The following KCNK9 variants were observed in gnomAD, a reference collection of about 807,000 sequenced individuals.
KCNK9 encodes the protein potassium channel subfamily K member 9.
A neutral mutation model predicts 10.8 loss-of-function variants in KCNK9; 1 was observed. That is an observed-to-expected ratio of 0.09 (90% confidence interval 0.03 to 0.44). The LOEUF is 0.44. KCNK9 is among the 20% of genes least tolerant of loss of function. The pLI is 0.97. For missense variants in KCNK9, 303 were observed against 515.0 expected (o/e 0.59, Z 3.98); for synonymous variants, 231 against 222.7 (o/e 1.04, Z -0.33).
At chr8:139,646,567 G>A (rs1037811117) in intron 1 of KCNK9, among the ~76,000 whole-genome samples, 2 of 152,212 alleles carry the variant, frequency 1.3e-5, no homozygotes, top group African/African-American at 2.4e-5. Flanking sequence ...CTTACACAGT[G>A]CAGTGAGGTA....
At chr8:139,692,642 A>G (rs982651384) in intron 1 of KCNK9, among the ~76,000 whole-genome samples, 1 of 152,164 alleles carries the variant, frequency 6.6e-6, no homozygotes, top group Non-Finnish European at 1.5e-5. Context: ...CCGCACAGGG[A>G]GAGCCTCTCA....
chr8:139,629,891 T>C (rs1315504778), intron 1 of KCNK9, among the ~76,000 whole-genome samples: 2 of 152,168 alleles, frequency 1.3e-5, no homozygotes, highest in South Asian at 2.1e-4. Flanking sequence ...TACGGTCACA[T>C]TGGAAGTTAG....
At chr8:139,643,888 T>G (rs760765956) in intron 1 of KCNK9, among the ~76,000 whole-genome samples, 1 of 152,172 alleles carries the variant, frequency 6.6e-6, no homozygotes, top group Admixed American at 6.5e-5. Flanking sequence ...CTCTGCACCA[T>G]GGAAGGGAGT....
intron 1 of KCNK9, among the ~76,000 whole-genome samples, chr8:139,672,490 T>C (rs1443240418): frequency 7.2e-5 from 11 of 152,136 alleles, no homozygotes; most frequent in Non-Finnish European, 1.3e-4. Flanking sequence ...TGGGCAAATG[T>C]AGAAAAACCA....
At chr8:139,612,484 C>G (rs987071789), downstream of KCNK9, 3 of 152,170 alleles carry the variant, frequency 2.0e-5, no homozygotes, top group Non-Finnish European at 4.4e-5. Flanking sequence ...ACCCTCACAT[C>G]GAGCGTTTCT....
At chr8:139,602,264 G>C (rs1333244552) in intron 2 of KCNK9, among the ~76,000 whole-genome samples, 1 of 152,210 alleles carries the variant, frequency 6.6e-6, no homozygotes, top group African/African-American at 2.4e-5. Flanking sequence ...CTTGACGATC[G>C]ATCACAGGCA....
At chr8:139,681,079 T>C (rs1816678510) in intron 1 of KCNK9, among the ~76,000 whole-genome samples, 1 of 152,206 alleles carries the variant, frequency 6.6e-6, no homozygotes, top group Non-Finnish European at 1.5e-5. Context: ...AACAGGCAGA[T>C]GAGAACACTA....
chr8:139,640,852 G>A (rs139356403), intron 1 of KCNK9, among the ~76,000 whole-genome samples: 16 of 152,376 alleles, frequency 1.1e-4, no homozygotes, highest in African/African-American at 2.6e-4. Context: ...GGTTGCAGAC[G>A]TCTTGAGCAT....
At chr8:139,623,535 G>C (rs962885434) in intron 1 of KCNK9, among the ~76,000 whole-genome samples, 5 of 152,128 alleles carry the variant, frequency 3.3e-5, no homozygotes, top group African/African-American at 1.2e-4. Context: ...AAAGGCCACA[G>C]GTGACCCCTA....
chr8:139,611,494 G>T (rs566099969), downstream of KCNK9: 1 of 152,434 alleles, frequency 6.6e-6, no homozygotes, highest in East Asian at 1.9e-4. Flanking sequence ...CAGAGGCTGG[G>T]GGTTCCTGAG....
intron 1 of KCNK9, among the ~76,000 whole-genome samples, chr8:139,639,466 A>G (rs1170203719): frequency 2.6e-5 from 4 of 152,020 alleles, no homozygotes; most frequent in African/African-American, 9.7e-5. Context: ...GTCCCAAAGC[A>G]CCCGTGGAGA....
Position 139,677,794 on chromosome 8 carries a change from T to G in KCNK9, c.283+24916A>C, listed in dbSNP as rs1375681877. 2.5e-3 allele frequency among the ~76,000 whole-genome samples: 369 copies of G among 146,026 alleles called. 3 individuals carry two copies. Among genetic ancestry groups the G allele is most frequent in the African/African-American group, 9.1e-3 (337 of 36,846 alleles). On this transcript the variant is annotated intron_variant, in intron 1 of 1. Transcript: ENST00000520439. Reference sequence around the variant, plus strand: ...CCAATGTGTCCCCATGGCTGCAGAGTAATACCTCACCTCCCAGCCCAACAG... The same window carrying G: ...CCAATGTGTCCCCATGGCTGCAGAGGAATACCTCACCTCCCAGCCCAACAG...
intron 1 of KCNK9, among the ~76,000 whole-genome samples, chr8:139,700,903 C>T (rs1817203884): frequency 6.6e-6 from 1 of 152,158 alleles, no homozygotes; most frequent in Non-Finnish European, 1.5e-5. Context: ...GATGTTGTCG[C>T]TCAACTCTCG....
At chr8:139,620,655 A>C (rs1188343911) in intron 1 of KCNK9, among the ~76,000 whole-genome samples, 2 of 151,636 alleles carry the variant, frequency 1.3e-5, no homozygotes, top group African/African-American at 2.4e-5. Flanking sequence ...CCAAACTCTC[A>C]CTTGAAAAAT....
chr8:139,678,181 G>A (rs868570290), intron 1 of KCNK9, among the ~76,000 whole-genome samples: 6 of 152,176 alleles, frequency 3.9e-5, no homozygotes, highest in East Asian at 1.9e-4. Context: ...AGGGCCATAC[G>A]AACTCCTTGG....
At chr8:139,608,538 A>C (rs772235677), downstream of KCNK9, among the ~76,000 whole-genome samples, 8 of 144,604 alleles carry the variant, frequency 5.5e-5, no homozygotes, top group Non-Finnish European at 1.1e-4. Context: ...CCTGGGTCAC[A>C]CCACAGTGTG....
At chr8:139,696,096 C>T (rs1185432225) in intron 1 of KCNK9, among the ~76,000 whole-genome samples, 1 of 152,162 alleles carries the variant, frequency 6.6e-6, no homozygotes, top group East Asian at 1.9e-4. Flanking sequence ...GAGAAGCCAT[C>T]CCAACCCCCA....
downstream of KCNK9, among the ~76,000 whole-genome samples, chr8:139,613,212 G>A (rs1270823473): frequency 6.6e-6 from 1 of 152,190 alleles, no homozygotes; most frequent in Non-Finnish European, 1.5e-5. Flanking sequence ...AGTGAGAGTT[G>A]GGGAGCAGGG....
intron 1 of KCNK9, among the ~76,000 whole-genome samples, chr8:139,657,954 A>G (rs989218536): frequency 6.6e-6 from 1 of 152,198 alleles, no homozygotes; most frequent in African/African-American, 2.4e-5. Context: ...CCCACAGGAC[A>G]GGCAGAGGAG....
Sources: gnomAD v4.1 joint callset for allele counts (sites outside exome capture counted in the v4.1 genomes callset) on GRCh38, gnomAD v4.1.1 for gene constraint, MANE v1.5 for transcripts, NCBI Gene and HGNC (gene_info 2026-07-23, HGNC 2026-07-21) for gene names.